TOM1: variants seen among roughly 807,000 people sequenced by gnomAD.
TOM1 encodes the protein target of Myb protein 1.
A neutral mutation model predicts 61.3 loss-of-function variants in TOM1; 38 were observed. That is an observed-to-expected ratio of 0.62 (90% CI 0.48 to 0.81). The LOEUF is 0.81. TOM1 is among the 40% of genes least tolerant of loss of function. The probability of loss-of-function intolerance (pLI) is 0.00; values close to 1 mark genes in which losing one functional copy is unlikely to be tolerated. For synonymous variants in TOM1, 270 were observed against 268.8 expected (o/e 1.00, Z -0.04); for missense variants, 591 against 659.6 (o/e 0.90, Z 1.14).
At chr22:35,342,090 A>G (rs1011351411) in intron 12 of TOM1, among the ~76,000 whole-genome samples, 5 of 152,104 alleles carry the variant, frequency 3.3e-5, no homozygotes, top group African/African-American at 4.8e-5. Flanking sequence ...ATCGTGAGCT[A>G]TGACTGTACC....
At chr22:35,335,905 T>G (rs1360421501) in intron 11 of TOM1, 2 of 153,424 alleles carry the variant, frequency 1.3e-5, no homozygotes, top group African/African-American at 4.8e-5. Flanking sequence ...AGGAACAGCA[T>G]GTGCAAAGTC....
At chr22:35,302,686 C>G (rs977067462) in intron 1 of TOM1, among the ~76,000 whole-genome samples, 3 of 152,080 alleles carry the variant, frequency 2.0e-5, no homozygotes, top group African/African-American at 7.2e-5. Flanking sequence ...TCCAGCCCAT[C>G]CCCTTCATTT....
At chr22:35,336,413 G>T (rs1929341675) in intron 11 of TOM1, among the ~76,000 whole-genome samples, 1 of 152,158 alleles carries the variant, frequency 6.6e-6, no homozygotes, top group South Asian at 2.1e-4. Context: ...CCTGCAACCA[G>T]CTCTGCCCTG....
At chr22:35,322,711 C>T (rs1927909009) in intron 3 of TOM1, 1 of 292,852 alleles carries the variant, frequency 3.4e-6, no homozygotes, top group South Asian at 7.1e-5. Flanking sequence ...TTGATTTCCT[C>T]TTGGAGAGCC....
chr22:35,346,110 G>A lies in TOM1; in HGVS notation c.1284+326G>A, dbSNP rs8136021. On this transcript the variant is annotated intron_variant, in intron 13 of 14. Coordinates refer to ENST00000449058, the MANE Select transcript of TOM1 (RefSeq NM_005488.3). Reference sequence around the variant, plus strand: ...TAACAGCGCCAGGCTCTTACCTGCAGTAGCTCAGAAGACTCCAGCCACTTG... The same window carrying A: ...TAACAGCGCCAGGCTCTTACCTGCAATAGCTCAGAAGACTCCAGCCACTTG... 8.9e-3 allele frequency among the ~76,000 whole-genome samples: 1,349 copies of A among 152,358 alleles called. 8 individuals carry two copies. The highest frequency in any genetic ancestry group is 0.013 in the South Asian group (62 of 4,834).
intron 11 of TOM1, among the ~76,000 whole-genome samples, chr22:35,336,431 G>A (rs1279083457): frequency 4.6e-5 from 7 of 152,220 alleles, no homozygotes; most frequent in Non-Finnish European, 1.0e-4. Flanking sequence ...CTGGCTGGCA[G>A]GGAAACCAGC....
intron 12 of TOM1, chr22:35,345,027 GC>G (rs1930386506): frequency 6.5e-6 from 1 of 153,310 alleles, no homozygotes; most frequent in Non-Finnish European, 1.5e-5. Context: ...ACTGGAGTCT[GC>G]CCCTGCAGAA....
Position 35,304,133 on chromosome 22 carries a change from G to A in TOM1, c.52+4153G>A, listed in dbSNP as rs1007877585. On this transcript the variant is annotated intron_variant, in intron 1 of 14. Transcript: ENST00000449058. Reference sequence around the variant, plus strand: ...TCTAAGAGAAAGCATCGCTTTCCAGGGTTCCACAGCCACTCAAGGTCAGAA... The same window carrying A: ...TCTAAGAGAAAGCATCGCTTTCCAGAGTTCCACAGCCACTCAAGGTCAGAA... 2.0e-5 allele frequency among the ~76,000 whole-genome samples: 3 copies of A among 152,068 alleles called. No individual in the cohort carries two copies. The South Asian group carries it at 6.2e-4, about 32-fold the overall frequency.
chr22:35,309,751 G>A (rs1164565883), intron 1 of TOM1, among the ~76,000 whole-genome samples: 2 of 151,952 alleles, frequency 1.3e-5, no homozygotes, highest in Non-Finnish European at 2.9e-5. Flanking sequence ...GGCTTCTTCT[G>A]TATTTCTGCC....
chr22:35,346,870 C>A, intron 13 of TOM1, 60 bp from the exon 14 acceptor site: 3 of 1,535,330 alleles, frequency 2.0e-6, no homozygotes. Flanking sequence ...CACCACTGCC[C>A]CAGGCTGACC....
At chr22:35,324,412 CAAAAAAAAA>C (rs58401864) in intron 6 of TOM1, among the ~76,000 whole-genome samples, 4 of 61,180 alleles carry the variant, frequency 6.5e-5, no homozygotes, top group South Asian at 7.1e-4. Flanking sequence ...AGACCTGTTT[CAAAAAAAAA>C]AAAAAAAAAA....
chr22:35,327,331 A>G lies in TOM1; in HGVS notation c.709A>G (p.Met237Val). ...VSGNVRVMSEMLTELVPTQAE... is the reference protein window; with the variant it reads ...VSGNVRVMSEVLTELVPTQAE... ...TGGGAACGTGAGGGTGATGTCGGAG[A>G]TGCTGACGGAGCTGGTGCCCACCCA... Residue 237 changes from methionine to valine, a missense_variant, in exon 7 of 15, where the codon ATG (methionine) becomes GTG (valine). By Grantham distance (21) the Met-to-Val change is conservative. Transcript: ENST00000449058. 1 of 1,613,946 alleles carries G rather than the reference A, an allele frequency of 6.2e-7. No homozygotes were observed. The highest frequency in any genetic ancestry group is 1.1e-5 in the South Asian group (1 of 91,074).
intron 13 of TOM1, 118 bp downstream of exon 13, chr22:35,345,902 C>A: frequency 9.0e-7 from 1 of 1,105,416 alleles, no homozygotes; most frequent in Non-Finnish European, 1.3e-6. Flanking sequence ...AGCAGAGGGG[C>A]ACACTTAAAG....
chr22:35,330,967 A>C (rs1363833009), intron 8 of TOM1, among the ~76,000 whole-genome samples: 1 of 152,236 alleles, frequency 6.6e-6, no homozygotes, highest in Non-Finnish European at 1.5e-5. Context: ...CTCCCAACAG[A>C]ACAAGAAAGA....
At chr22:35,340,201 G>A (rs1298201095) in intron 12 of TOM1, among the ~76,000 whole-genome samples, 1 of 152,252 alleles carries the variant, frequency 6.6e-6, no homozygotes, top group Non-Finnish European at 1.5e-5. Flanking sequence ...AGTCCAGGGA[G>A]TCCGGGGGAG....
chr22:35,308,248 C>CTCTT (rs1210652820), intron 1 of TOM1, among the ~76,000 whole-genome samples: 1 of 150,778 alleles, frequency 6.6e-6, no homozygotes, highest in Non-Finnish European at 1.5e-5. Flanking sequence ...CTCTCTCTCT[C>CTCTT]TCTTTCTTTC....
chr22:35,316,500 C>A (rs1927292269), intron 1 of TOM1, among the ~76,000 whole-genome samples: 1 of 152,168 alleles, frequency 6.6e-6, no homozygotes, highest in Non-Finnish European at 1.5e-5. Flanking sequence ...TCATGTAATA[C>A]CAATTAGTGC....
intron 6 of TOM1, among the ~76,000 whole-genome samples, chr22:35,325,698 G>A (rs919423729): frequency 1.3e-5 from 2 of 152,144 alleles, no homozygotes; most frequent in African/African-American, 4.8e-5. Flanking sequence ...CCTTGTGATT[G>A]TCTAACTCAG....
At chr22:35,308,530 C>A (rs2145615682) in intron 1 of TOM1, among the ~76,000 whole-genome samples, 1 of 152,236 alleles carries the variant, frequency 6.6e-6, no homozygotes, top group East Asian at 1.9e-4. Flanking sequence ...GATCCTCCCG[C>A]CTTGGCCTCT....
Sources: gnomAD v4.1 joint callset for allele counts (sites outside exome capture counted in the v4.1 genomes callset) on GRCh38, gnomAD v4.1.1 for gene constraint, MANE v1.5 for transcripts, NCBI Gene and HGNC (gene_info 2026-07-23, HGNC 2026-07-21) for gene names.